The following RALGPS1 variants were observed in gnomAD, a reference collection of about 807,000 sequenced individuals.
The protein encoded by RALGPS1 is Ral GEF with PH domain and SH3 binding motif 1.
In RALGPS1, 19 loss-of-function variants were observed where a neutral mutation model predicts 78.8. The observed-to-expected ratio is 0.24, with a 90% confidence interval of 0.17 to 0.35. The LOEUF is 0.35. Among genes scored for constraint, RALGPS1 ranks in the 10% least tolerant of loss-of-function variants. RALGPS1 has a pLI of 1.00. For missense variants in RALGPS1, 454 were observed against 688.3 expected, an observed-to-expected ratio of 0.66 and a Z score of 3.81; for synonymous variants, 228 against 256.3, an observed-to-expected ratio of 0.89 and a Z score of 1.06.
chr9:127,046,447 C>T (rs182071331), intron 5 of RALGPS1, among the ~76,000 whole-genome samples: 99 of 152,066 alleles, frequency 6.5e-4, no homozygotes, highest in African/African-American at 2.3e-3. Flanking sequence ...GGTAAATATT[C>T]TAGGGAGACT....
intron 8 of RALGPS1, among the ~76,000 whole-genome samples, chr9:127,120,935 T>C (rs2056005138): frequency 6.6e-6 from 1 of 152,126 alleles, no homozygotes; most frequent in Non-Finnish European, 1.5e-5. Flanking sequence ...CAGGGTTTGC[T>C]GTGCACCAGG....
chr9:126,917,737 C>G (rs762184257), intron 1 of RALGPS1, among the ~76,000 whole-genome samples: 22 of 152,218 alleles, frequency 1.4e-4, no homozygotes, highest in Non-Finnish European at 2.5e-4. Flanking sequence ...ACAAGCTACT[C>G]AGAACAGCAT....
chr9:127,095,381 G>C (rs2053004044), intron 8 of RALGPS1, among the ~76,000 whole-genome samples: 1 of 152,214 alleles, frequency 6.6e-6, no homozygotes, highest in South Asian at 2.1e-4. Context: ...CTGAGTGGCA[G>C]AGCAAGACAA....
At chr9:127,126,900 T>C (rs995366595) in intron 8 of RALGPS1, among the ~76,000 whole-genome samples, 2 of 152,236 alleles carry the variant, frequency 1.3e-5, no homozygotes, top group African/African-American at 2.4e-5. Flanking sequence ...TCTTCACATG[T>C]CTATAATTTT....
chr9:127,004,724 T>C (rs1254847964), intron 4 of RALGPS1, among the ~76,000 whole-genome samples: 3 of 152,210 alleles, frequency 2.0e-5, no homozygotes, highest in African/African-American at 7.2e-5. Flanking sequence ...ATTGTGAAGC[T>C]TACATAATCT....
rs372201957 is a variant in RALGPS1 at position 127,064,605 on chromosome 9, G to A, written c.484-4625G>A. Among the ~76,000 whole-genome samples, 19 of 152,282 alleles carry A rather than the reference G, an allele frequency of 1.2e-4. No homozygotes were observed. In the East Asian group the frequency reaches 3.5e-3, roughly 28 times the overall value. ...TAGTTTCTGCCATATACTTACCAAT[G>A]TGCTTTTGCTACAGTTTCTTGACCC... On this transcript the variant is annotated intron_variant, in intron 7 of 18. Coordinates refer to ENST00000259351, the MANE Select transcript of RALGPS1 (RefSeq NM_014636.3).
Position 127,146,001 on chromosome 9 carries a change from G to A in RALGPS1, c.611-20068G>A, listed in dbSNP as rs35509632. On this transcript the variant is annotated intron_variant, in intron 8 of 18. Transcript: ENST00000259351. ...AGTAAGCCACACAAAAGCAGGAATC[G>A]TATTGGTTTTGTTTCCTGCAGTATC... 2.9e-4 allele frequency among the ~76,000 whole-genome samples: 44 copies of A among 152,274 alleles called. No homozygotes were observed. The South Asian group carries it at 8.3e-3, about 29-fold the overall frequency.
chr9:127,054,700 A>G (rs1044138283), intron 7 of RALGPS1, among the ~76,000 whole-genome samples: 4 of 152,132 alleles, frequency 2.6e-5, no homozygotes, highest in African/African-American at 4.8e-5. Flanking sequence ...CCTCCAGGCC[A>G]GGTGCAGTGA....
At chr9:127,036,756 C>A (rs116109205) in intron 5 of RALGPS1, among the ~76,000 whole-genome samples, 1,895 of 152,296 alleles carry the variant, frequency 0.012, 42 homozygotes, top group African/African-American at 0.044. Flanking sequence ...GTTACAACCC[C>A]AAGGAATACC....
At chr9:126,971,489 A>G (rs376191181) in intron 3 of RALGPS1, among the ~76,000 whole-genome samples, 1 of 152,192 alleles carries the variant, frequency 6.6e-6, no homozygotes, top group East Asian at 1.9e-4. Context: ...TGACAGAAAC[A>G]TGTTTTTTCC....
At position 127,205,646 on chromosome 9, in the gene RALGPS1, G is replaced by A. The variant is rs2061893697; in HGVS notation, c.1248-6485G>A. Among the ~76,000 whole-genome samples, 2 of 152,226 alleles carry A rather than the reference G, an allele frequency of 1.3e-5. No individual in the cohort carries two copies. The highest frequency in any genetic ancestry group is 2.1e-4 in the South Asian group (1 of 4,832). On this transcript the variant is annotated intron_variant, in intron 14 of 18. Coordinates refer to ENST00000259351, the MANE Select transcript of RALGPS1 (RefSeq NM_014636.3). This position sits in a 1 kb window ranked among gnomAD's most constrained non-coding sequence, Gnocchi z 4.0. Reference sequence around the variant, plus strand: ...GCGGGCAGGACGCTCCTTCCATCTTGTGTCCATCCTTCTCTGTGCATATCT... The same window carrying A: ...GCGGGCAGGACGCTCCTTCCATCTTATGTCCATCCTTCTCTGTGCATATCT...
At chr9:127,068,424 G>A (rs2049900055) in intron 7 of RALGPS1, among the ~76,000 whole-genome samples, 1 of 152,190 alleles carries the variant, frequency 6.6e-6, no homozygotes. Flanking sequence ...ACCCTGAGCA[G>A]TCTGCTTTTC....
chr9:127,108,236 T>C (rs1273966162), intron 8 of RALGPS1: 1 of 1,613,898 alleles, frequency 6.2e-7, no homozygotes, highest in African/African-American at 1.3e-5. Context: ...ATGTCGGCTG[T>C]CTGGTTCAGG....
rs528403112 is a variant in RALGPS1 at position 127,221,091 on chromosome 9, C to T, written c.*2322C>T. On this transcript the variant is annotated 3_prime_UTR_variant, in exon 19 of 19. Coordinates refer to ENST00000259351, the MANE Select transcript of RALGPS1 (RefSeq NM_014636.3). Reference sequence around the variant, plus strand: ...GAAGCAGTAAGAGGCTTGACCACGCCGGAAGAGTCCTGGAGCTAAAGCTGG... The same window carrying T: ...GAAGCAGTAAGAGGCTTGACCACGCTGGAAGAGTCCTGGAGCTAAAGCTGG... 41 of 152,412 alleles carry T rather than the reference C, an allele frequency of 2.7e-4. No individual in the cohort carries two copies. Among genetic ancestry groups the T allele is most frequent in the African/African-American group, 7.9e-4 (33 of 41,574 alleles). The allele number at this position is 152,412 out of a possible 1,614,324, so 9.4% of individuals were successfully genotyped here. A position where few individuals can be genotyped will look rare whatever the true frequency, so the allele number is the denominator to read the frequency against.
intron 8 of RALGPS1, among the ~76,000 whole-genome samples, chr9:127,082,265 G>A (rs1172013652): frequency 6.6e-6 from 1 of 152,216 alleles, no homozygotes; most frequent in Non-Finnish European, 1.5e-5. Flanking sequence ...TCTGTAAGCT[G>A]TAGGACAGTT....
At chr9:127,108,698 C>G in intron 8 of RALGPS1, 1 of 1,612,516 alleles carries the variant, frequency 6.2e-7, no homozygotes, top group Non-Finnish European at 8.5e-7. Context: ...GCCAGCAGTC[C>G]GAGCCACCAG....
At chr9:127,217,919 CTTCTGT>C in intron 18 of RALGPS1, 1 of 152,186 alleles carries the variant, frequency 6.6e-6, no homozygotes, top group East Asian at 1.9e-4. Context: ...TTTATTAGTT[CTTCTGT>C]TGGACATCCC....
At chr9:127,094,338 T>C (rs1389869178) in intron 8 of RALGPS1, among the ~76,000 whole-genome samples, 1 of 152,196 alleles carries the variant, frequency 6.6e-6, no homozygotes, top group African/African-American at 2.4e-5. Flanking sequence ...GATGTGGACC[T>C]ACTAAACGTG....
chr9:127,156,964 A>G (rs1003275051), intron 8 of RALGPS1, among the ~76,000 whole-genome samples: 2 of 152,038 alleles, frequency 1.3e-5, no homozygotes, highest in African/African-American at 2.4e-5. Flanking sequence ...TCTCAATATC[A>G]TTTATTGAAG....
Sources: allele counts gnomAD v4.1 joint callset (sites outside exome capture counted in the v4.1 genomes callset), GRCh38; gene constraint gnomAD v4.1.1; non-coding constraint Gnocchi (gnomAD v3.1); transcripts MANE v1.5; gene names NCBI Gene and HGNC (gene_info 2026-07-23, HGNC 2026-07-21).